Variants in SPG7 observed in about 807,000 individuals in gnomAD.
SPG7 encodes SPG7 matrix AAA peptidase subunit, paraplegin.
SPG7 carries 103 observed loss-of-function variants against 81.9 expected under a neutral mutation model. The observed-to-expected ratio is 1.26, with a 90% CI of 1.07 to 1.48. SPG7 has a LOEUF of 1.48. Among genes scored for constraint, SPG7 ranks in the 40% most tolerant of loss-of-function variants. The pLI, the probability that SPG7 is intolerant of heterozygous loss-of-function variation, is 0.00. For missense variants in SPG7, 1,241 were observed against 1,087.3 expected, an observed-to-expected ratio of 1.14 and a Z score of -1.99; for synonymous variants, 534 against 444.2, an observed-to-expected ratio of 1.20 and a Z score of -2.54.
intron 12 of SPG7, chr16:89,548,840 G>C: frequency 2.3e-6 from 1 of 430,892 alleles, no homozygotes; most frequent in South Asian, 1.6e-5. Flanking sequence ...GTGTGAGACA[G>C]GTTGAACGTT....
At chr16:89,510,682 C>A in intron 2 of SPG7, 90 bp downstream of exon 2, 4 of 808,452 alleles carry the variant, frequency 4.9e-6, no homozygotes, top group Admixed American at 1.9e-5. Context: ...ATTTTAGAGA[C>A]GGGATCTCGC....
At chr16:89,548,342 A>C in intron 12 of SPG7, 1 of 517,320 alleles carries the variant, frequency 1.9e-6, no homozygotes. Flanking sequence ...GAAATAAAAA[A>C]TGCCTTGCCA....
intron 8 of SPG7, 93 bp downstream of exon 8, chr16:89,532,159 A>C: frequency 9.0e-6 from 12 of 1,332,946 alleles, no homozygotes; most frequent in South Asian, 1.2e-5. Context: ...TGAAAGGGAC[A>C]CGGGTGGGTG....
intron 5 of SPG7, 58 bp downstream of exon 5, chr16:89,526,526 AG>A: frequency 6.3e-7 from 1 of 1,588,904 alleles, no homozygotes; most frequent in Non-Finnish European, 8.6e-7. Context: ...TTGTAATCTG[AG>A]AAACAGATTG....
intron 9 of SPG7, chr16:89,538,875 C>G (rs549145834): frequency 6.6e-6 from 1 of 152,376 alleles, no homozygotes; most frequent in African/African-American, 2.4e-5. Flanking sequence ...CTGTGGCAGC[C>G]GGTCCTTTAT....
chr16:89,508,638 G>C (rs911328602), intron 1 of SPG7, 38 bp downstream of exon 1: 1 of 1,423,234 alleles, frequency 7.0e-7, no homozygotes. Context: ...CCTCCCGCCC[G>C]GCTCTGCTCT....
At chr16:89,542,397 T>G (rs995306855) in intron 9 of SPG7, 1 of 152,198 alleles carries the variant, frequency 6.6e-6, no homozygotes, top group African/African-American at 2.4e-5. Flanking sequence ...GTGCTTCTGC[T>G]GCCTGTTTTT....
chr16:89,549,396 A>G, intron 12 of SPG7: 2 of 371,872 alleles, frequency 5.4e-6, no homozygotes, highest in South Asian at 4.1e-5. Context: ...ACTGTGGCTC[A>G]TGCCTGTAAT....
intron 2 of SPG7, 98 bp from the exon 3 acceptor site, chr16:89,512,850 T>C (rs2152394735): frequency 7.5e-7 from 1 of 1,340,372 alleles, no homozygotes; most frequent in South Asian, 1.2e-5. Flanking sequence ...CAGATGGTTT[T>C]TGTTTTGCTT....
chr16:89,544,831 G>T, intron 10 of SPG7, 59 bp downstream of exon 10: 1 of 1,605,556 alleles, frequency 6.2e-7, no homozygotes. Flanking sequence ...CTCGCTCTGA[G>T]TGGTCTGGCC....
chr16:89,550,510 C>T lies in SPG7; in HGVS notation c.1680C>T (p.Ser560=). The change falls in exon 13 of 17, where the codon AGC becomes AGT. Residue 560 remains serine (S), a synonymous_variant. Transcript: ENST00000645818. The part of the protein sequence containing the change: ...ERVLAGTAKK[S]KILSKEEQKV... ...TTCTTTCAGGGACTGCCAAAAAGAG[C>T]AAGATCCTGTCCAAGGAAGAACAGA... is the stretch of plus-strand genomic sequence containing the variant. The T allele has an allele frequency of 6.2e-7, 1 of 1,613,540 alleles. No homozygotes were observed. The highest frequency in any genetic ancestry group is 8.5e-7 in the Non-Finnish European group (1 of 1,179,776).
chr16:89,514,935 CTTTTT>C (rs56327708), intron 3 of SPG7, among the ~76,000 whole-genome samples: 3 of 122,524 alleles, frequency 2.4e-5, no homozygotes, highest in Non-Finnish European at 1.7e-5. Context: ...TGGCCTTGAC[CTTTTT>C]TTTTTTTTTT....
chr16:89,543,055 C>T (rs530586105), intron 9 of SPG7: 71 of 148,430 alleles, frequency 4.8e-4, no homozygotes, highest in African/African-American at 1.6e-3. Context: ...TCACGCCATT[C>T]TCCTGCTTCA....
At chr16:89,514,774 A>G (rs537652132) in intron 3 of SPG7, among the ~76,000 whole-genome samples, 2 of 152,182 alleles carry the variant, frequency 1.3e-5, no homozygotes, top group Admixed American at 1.3e-4. Flanking sequence ...CTAGGATTAC[A>G]GGCGTGAGCC....
chr16:89,544,719 A>T lies in SPG7; in HGVS notation c.1396A>T (p.Met466Leu). ...NRADILDGALMRPGRLDRHVF... is the reference protein window; with the variant it reads ...NRADILDGALLRPGRLDRHVF... ...AGCTGACATTTTGGACGGTGCTCTG[A>T]TGAGGCCAGGCCGACTGGACCGGCA... Residue 466 changes from methionine to leucine, a missense_variant, in exon 10 of 17, where the codon ATG becomes TTG. Coordinates refer to ENST00000645818, the MANE Select transcript of SPG7 (RefSeq NM_003119.4). 1 of 1,614,120 alleles carries T rather than the reference A, an allele frequency of 6.2e-7. No homozygotes were observed. Among genetic ancestry groups the T allele is most frequent in the Non-Finnish European group, 8.5e-7 (1 of 1,180,020 alleles).
intron 11 of SPG7, chr16:89,547,768 A>G: frequency 2.1e-6 from 1 of 475,196 alleles, no homozygotes; most frequent in Non-Finnish European, 3.9e-6. Flanking sequence ...GCTCACCACC[A>G]CGCCCGGCTA....
In SPG7 at chr16:89,547,986, G is replaced by C; in HGVS notation, c.1553-17G>C. The C allele has an allele frequency of 6.2e-7, 1 of 1,603,920 alleles. No homozygotes were observed. ...CAGAAACCCACCCACCCACACCGTG[G>C]CTGTTTGTGTTGACAGGGGCTGACA... On this transcript the variant is annotated splice_polypyrimidine_tract_variant and intron_variant, in intron 11 of 16. Coordinates refer to ENST00000645818, the MANE Select transcript of SPG7 (RefSeq NM_003119.4).
intron 12 of SPG7, chr16:89,550,010 C>T (rs936720891): frequency 8.8e-6 from 2 of 226,444 alleles, no homozygotes; most frequent in Admixed American, 1.0e-4. Context: ...CCTCCTTCAA[C>T]AGCCCTTTGA....
intron 9 of SPG7, chr16:89,532,886 G>T (rs2058364453): frequency 2.0e-6 from 1 of 508,682 alleles, no homozygotes; most frequent in Admixed American, 3.2e-5. Context: ...GATTTCATGA[G>T]CAGCCTGGCC....
Sources: allele counts gnomAD v4.1 joint callset (sites outside exome capture counted in the v4.1 genomes callset), GRCh38; gene constraint gnomAD v4.1.1; transcripts MANE v1.5; gene names NCBI Gene and HGNC (gene_info 2026-07-23, HGNC 2026-07-21).